The following SLC16A7 variants were observed in gnomAD, a reference collection of about 807,000 sequenced individuals.
The protein encoded by SLC16A7 is monocarboxylate transporter 2.
Under a neutral mutation model 34.9 loss-of-function variants are expected in SLC16A7, and 33 were observed. The ratio of observed to expected loss-of-function variants is 0.94; its 90% CI spans 0.72 to 1.26. The LOEUF (loss-of-function observed/expected upper bound fraction) is 1.26, where lower values mean the gene tolerates loss of function less well. Among genes scored for constraint, SLC16A7 ranks in the 50% most tolerant of loss-of-function variants. The pLI, the probability that SLC16A7 is intolerant of heterozygous loss-of-function variation, is 0.00. For missense variants in SLC16A7, 573 were observed against 578.1 expected, an observed-to-expected ratio of 0.99 and a Z score of 0.09; for synonymous variants, 201 against 206.6, an observed-to-expected ratio of 0.97 and a Z score of 0.23.
intron 1 of SLC16A7, among the ~76,000 whole-genome samples, chr12:59,620,412 T>C (rs889973238): frequency 4.0e-4 from 61 of 151,876 alleles, no homozygotes; most frequent in African/African-American, 1.5e-3. Context: ...GCAAAAAAAT[T>C]AGAATTAATT....
At chr12:59,671,081 A>C (rs147930659) in intron 2 of SLC16A7, among the ~76,000 whole-genome samples, 1 of 152,116 alleles carries the variant, frequency 6.6e-6, no homozygotes, top group Non-Finnish European at 1.5e-5. Flanking sequence ...AGGGTCCTCT[A>C]CGGTCATTTC....
In SLC16A7 at chr12:59,704,931, T is replaced by C. The variant is rs1873391346; in HGVS notation, c.130T>C (p.Phe44Leu). ...YAFPKAVTVF[F>L]KEIQQIFHTT... ...ATTCCCCAAAGCTGTCACCGTATTC[T>C]TCAAAGAAATTCAGCAAATATTCCA... Residue 44 changes from phenylalanine to leucine, a missense_variant, in exon 3 of 6, where the codon TTC becomes CTC. By Grantham distance (22) the Phe-to-Leu change is conservative. Coordinates refer to ENST00000547379, the MANE Select transcript of SLC16A7 (RefSeq NM_001270623.2). The C allele has an allele frequency of 1.9e-6, 3 of 1,613,616 alleles. No individual in the cohort carries two copies. The highest frequency in any genetic ancestry group is 2.5e-6 in the Non-Finnish European group (3 of 1,179,700).
At chr12:59,758,555 A>T (rs1005795831) in intron 3 of SLC16A7, among the ~76,000 whole-genome samples, 2 of 152,098 alleles carry the variant, frequency 1.3e-5, no homozygotes, top group Non-Finnish European at 2.9e-5. Context: ...GATAATATTG[A>T]TGTAAAAAAA....
At chr12:59,771,145 A>G in intron 3 of SLC16A7, 74 bp from the exon 4 acceptor site, 1 of 1,435,252 alleles carries the variant, frequency 7.0e-7, no homozygotes, top group Non-Finnish European at 9.5e-7. Flanking sequence ...GCCTTTCCAA[A>G]TGATTGGATG....
chr12:59,697,785 A>G (rs1202542115), intron 2 of SLC16A7, among the ~76,000 whole-genome samples: 1 of 151,634 alleles, frequency 6.6e-6, no homozygotes, highest in African/African-American at 2.4e-5. Context: ...ATTTCTGTTT[A>G]TCTTTGTTAC....
intron 3 of SLC16A7, among the ~76,000 whole-genome samples, chr12:59,762,774 C>T (rs34860779): frequency 0.078 from 11,747 of 150,954 alleles, 547 homozygotes; most frequent in Middle Eastern, 0.17. Context: ...TGCCTAGGAA[C>T]AGCCACTGTA....
At chr12:59,633,300 G>A (rs1433023970) in intron 1 of SLC16A7, among the ~76,000 whole-genome samples, 17 of 151,932 alleles carry the variant, frequency 1.1e-4, no homozygotes. Context: ...TGCAATTTGT[G>A]CATTATGGCT....
chr12:59,612,505 C>T (rs544757912), intron 1 of SLC16A7, among the ~76,000 whole-genome samples: 1 of 152,272 alleles, frequency 6.6e-6, no homozygotes, highest in East Asian at 1.9e-4. Context: ...GCTGTGGAGA[C>T]ATTTTCCCCA....
chr12:59,662,114 C>T (rs141904371), intron 2 of SLC16A7, among the ~76,000 whole-genome samples: 12 of 152,040 alleles, frequency 7.9e-5, no homozygotes, highest in African/African-American at 2.9e-4. Flanking sequence ...AATTTACTGC[C>T]GTTTTCCATT....
In SLC16A7 at chr12:59,743,631, G is replaced by C. The variant is rs143266118; in HGVS notation, c.218-27588G>C. Among the ~76,000 whole-genome samples the C allele has an allele frequency of 1.8e-4, 28 of 152,160 alleles. No homozygotes were observed. In the East Asian group the frequency reaches 5.4e-3, roughly 29 times the overall value. ...CTAAATCAATTTTCAAGTAAATTAA[G>C]ACTTTAACAAATTTTTATTAAACAA... On this transcript the variant is annotated intron_variant, in intron 3 of 5. Transcript: ENST00000547379.
Position 59,787,663 on chromosome 12 carries a change from C to A in SLC16A7, c.*7984C>A, listed in dbSNP as rs912725495. ...TTTGCCTAGTTCATCAAGATATTTA[C>A]CCTAAAAACACATTTTAATAAAAAT... On this transcript the variant is annotated 3_prime_UTR_variant, in exon 6 of 6. Coordinates refer to ENST00000547379, the MANE Select transcript of SLC16A7 (RefSeq NM_001270623.2). The A allele has an allele frequency of 6.6e-6, 1 of 152,088 alleles. No homozygotes were observed. Among genetic ancestry groups the A allele is most frequent in the Admixed American group, 6.6e-5 (1 of 15,256 alleles). 9.4% of individuals were successfully genotyped at this position (152,088 alleles called of 1,614,324 possible). A position where few individuals can be genotyped will look rare whatever the true frequency, so the allele number is the denominator to read the frequency against.
chr12:59,779,303 A>T, intron 5 of SLC16A7, 120 bp from the exon 6 acceptor site: 1 of 745,464 alleles, frequency 1.3e-6, no homozygotes, highest in East Asian at 2.9e-5. Context: ...TTATTTTTAA[A>T]GTCTTATTTG....
At chr12:59,732,205 G>A (rs1877033461) in intron 3 of SLC16A7, among the ~76,000 whole-genome samples, 1 of 151,940 alleles carries the variant, frequency 6.6e-6, no homozygotes, top group Non-Finnish European at 1.5e-5. Flanking sequence ...ATCACCTGAG[G>A]TCAGAGTTCG....
chr12:59,682,853 G>A (rs1006505920), intron 2 of SLC16A7, among the ~76,000 whole-genome samples: 6 of 152,144 alleles, frequency 3.9e-5, no homozygotes, highest in African/African-American at 1.2e-4. Context: ...GATCACCTGA[G>A]GTCGAGAGTT....
At chr12:59,637,340 A>AT (rs1163695582) in intron 1 of SLC16A7, among the ~76,000 whole-genome samples, 4 of 151,998 alleles carry the variant, frequency 2.6e-5, no homozygotes, top group East Asian at 1.9e-4. Flanking sequence ...GGACAAAAGG[A>AT]TTTTTTCTGC....
intron 2 of SLC16A7, among the ~76,000 whole-genome samples, chr12:59,680,858 T>C (rs1050990522): frequency 1.3e-5 from 2 of 152,208 alleles, no homozygotes; most frequent in Admixed American, 6.5e-5. Flanking sequence ...ATTTGCCTTT[T>C]CTATGACCCT....
At chr12:59,607,296 G>A (rs1878990755) in intron 1 of SLC16A7, among the ~76,000 whole-genome samples, 1 of 152,168 alleles carries the variant, frequency 6.6e-6, no homozygotes, top group Non-Finnish European at 1.5e-5. Context: ...TAAGAGAGGA[G>A]CTAGTCGTAG....
chr12:59,613,787 C>A lies in SLC16A7; in HGVS notation c.-130+17551C>A, dbSNP rs1348309379. 6.6e-5 allele frequency among the ~76,000 whole-genome samples: 10 copies of A among 152,150 alleles called. No individual in the cohort carries two copies. In the East Asian group the frequency reaches 1.9e-3, roughly 29 times the overall value. The stretch of plus-strand genomic sequence containing the variant: ...ATGGAACATCTGTGTTTTAGACAAT[C>A]AATATTTAAGTTGTAATTTACCAAA... On this transcript the variant is annotated intron_variant, in intron 1 of 5. Coordinates refer to ENST00000547379, the MANE Select transcript of SLC16A7 (RefSeq NM_001270623.2).
intron 3 of SLC16A7, among the ~76,000 whole-genome samples, chr12:59,741,815 G>A (rs1878380297): frequency 6.6e-6 from 1 of 152,160 alleles, no homozygotes. Context: ...CAGTCCTCCT[G>A]TTATGGTAGA....
Sources: allele counts gnomAD v4.1 joint callset (sites outside exome capture counted in the v4.1 genomes callset), GRCh38; gene constraint gnomAD v4.1.1; transcripts MANE v1.5; gene names NCBI Gene and HGNC (gene_info 2026-07-23, HGNC 2026-07-21).